Variants in PCA3 observed in about 807,000 individuals in gnomAD.
PCA3 encodes the protein prostate cancer associated 3.
chr9:76,765,901 G>T (rs1205302204), intron 2 of PCA3, among the ~76,000 whole-genome samples: 1 of 152,150 alleles, frequency 6.6e-6, no homozygotes, highest in Non-Finnish European at 1.5e-5. Context: ...TCTCGTTAGA[G>T]GCCAGACGCG....
At chr9:76,783,226 T>C (rs1392012076) in intron 2 of PCA3, among the ~76,000 whole-genome samples, 1 of 152,182 alleles carries the variant, frequency 6.6e-6, no homozygotes, top group East Asian at 1.9e-4. Flanking sequence ...AACCTCCGCC[T>C]CCCATGTTCC....
At chr9:76,767,936 G>A (rs1327955098) in intron 2 of PCA3, among the ~76,000 whole-genome samples, 1 of 152,180 alleles carries the variant, frequency 6.6e-6, no homozygotes, top group Non-Finnish European at 1.5e-5. Context: ...AAAGAGCAAG[G>A]ACTGGAAGTA....
intron 2 of PCA3, among the ~76,000 whole-genome samples, chr9:76,776,608 G>A (rs1052229828): frequency 6.7e-5 from 9 of 134,060 alleles, no homozygotes; most frequent in Admixed American, 6.7e-4. Context: ...TCCGCCTCCC[G>A]AGTTCAAGCA....
chr9:76,773,359 C>T lies in PCA3; in HGVS notation n.853-35224C>T, dbSNP rs114274428. The stretch of plus-strand genomic sequence containing the variant: ...GGAAGAAAGGTTGATTTATAGCGGA[C>T]AATCTTTTCTTTATTCATGTTATCT... On this transcript the variant is annotated intron_variant and non_coding_transcript_variant, in intron 2 of 5. Coordinates refer to ENST00000644657, the Ensembl canonical transcript of PCA3. Among the ~76,000 whole-genome samples, 489 of 150,362 alleles carry T rather than the reference C, an allele frequency of 3.3e-3. 5 individuals are homozygous for T. The highest frequency in any genetic ancestry group is 0.012 in the African/African-American group (480 of 41,194).
At chr9:76,784,245 A>G (rs996016121) in intron 2 of PCA3, 3 of 152,234 alleles carry the variant, frequency 2.0e-5, no homozygotes, top group Non-Finnish European at 4.4e-5. Flanking sequence ...GCAGGAAAAC[A>G]GATCCTGTTG....
intron 2 of PCA3, among the ~76,000 whole-genome samples, chr9:76,774,959 A>G (rs2053578222): frequency 6.6e-6 from 1 of 152,164 alleles, no homozygotes; most frequent in Admixed American, 6.5e-5. Flanking sequence ...GAACACTAAT[A>G]TCTACTACAC....
At chr9:76,767,972 C>T (rs535517239) in intron 2 of PCA3, among the ~76,000 whole-genome samples, 1 of 152,318 alleles carries the variant, frequency 6.6e-6, no homozygotes, top group South Asian at 2.1e-4. Context: ...TCACATCTCT[C>T]TGATCTTCCC....
At chr9:76,781,096 T>C (rs951189960) in intron 2 of PCA3, among the ~76,000 whole-genome samples, 1 of 152,194 alleles carries the variant, frequency 6.6e-6, no homozygotes, top group Admixed American at 6.5e-5. Context: ...TATCTTGAAT[T>C]TTTCTACTAC....
At chr9:76,769,781 T>C (rs2052890669) in intron 2 of PCA3, among the ~76,000 whole-genome samples, 1 of 152,252 alleles carries the variant, frequency 6.6e-6, no homozygotes, top group African/African-American at 2.4e-5. Context: ...GTAGGCTTGC[T>C]GGATAAAAGG....
At chr9:76,771,862 C>T (rs613664) in intron 2 of PCA3, among the ~76,000 whole-genome samples, 48,945 of 151,948 alleles carry the variant, frequency 0.32, 8,078 homozygotes, top group South Asian at 0.41. Context: ...AGACCACACC[C>T]TAAGTGAGAA....
chr9:76,780,269 C>T (rs1048472231), intron 2 of PCA3, among the ~76,000 whole-genome samples: 1 of 152,000 alleles, frequency 6.6e-6, no homozygotes, highest in African/African-American at 2.4e-5. Context: ...CTGCGCACTC[C>T]CCCAACAATT....
intron 2 of PCA3, among the ~76,000 whole-genome samples, chr9:76,775,268 G>T (rs1321004778): frequency 6.6e-6 from 1 of 152,130 alleles, no homozygotes; most frequent in African/African-American, 2.4e-5. Context: ...ATGACAAAGA[G>T]GAACAATATT....
intron 2 of PCA3, chr9:76,786,579 C>T (rs1457846733): frequency 3.3e-5 from 5 of 152,234 alleles, no homozygotes; most frequent in Non-Finnish European, 4.4e-5. Flanking sequence ...TTTTCTCCAA[C>T]ACATCGCTTA....
chr9:76,770,408 C>G (rs899147356), intron 2 of PCA3, among the ~76,000 whole-genome samples: 29 of 152,086 alleles, frequency 1.9e-4, no homozygotes, highest in Admixed American at 2.0e-4. Flanking sequence ...CATTTTCAAT[C>G]CAATCTATTG....
chr9:76,765,848 C>T (rs1260736970), intron 2 of PCA3, among the ~76,000 whole-genome samples: 3 of 152,118 alleles, frequency 2.0e-5, no homozygotes, highest in African/African-American at 7.2e-5. Flanking sequence ...CCTCTAAGAT[C>T]CAGCTTTAAA....
chr9:76,773,211 T>C (rs911010749), intron 2 of PCA3, among the ~76,000 whole-genome samples: 3 of 152,210 alleles, frequency 2.0e-5, no homozygotes, highest in African/African-American at 4.8e-5. Context: ...AGGAAAAACT[T>C]TGAATTACTG....
chr9:76,768,619 GTGTGTA>G lies in PCA3; in HGVS notation n.852+32006_852+32011del, dbSNP rs1482438480. ...TGTGTGTGTGTGTGTGTGTGTGTGTGTGTGTATATCCCTGCTGACTAGATCATCAAC... is the reference window on the plus strand; with the variant it reads ...TGTGTGTGTGTGTGTGTGTGTGTGTGTATCCCTGCTGACTAGATCATCAAC... On this transcript the variant is annotated intron_variant and non_coding_transcript_variant, in intron 2 of 5. Transcript: ENST00000644657. Among the ~76,000 whole-genome samples, 404 of 147,144 alleles carry G rather than the reference GTGTGTA, an allele frequency of 2.7e-3. 1 individual carries two copies. Among genetic ancestry groups the G allele is most frequent in the Non-Finnish European group, 3.2e-3 (210 of 66,502 alleles).
intron 2 of PCA3, among the ~76,000 whole-genome samples, chr9:76,783,135 T>G (rs537993916): frequency 3.3e-5 from 5 of 152,016 alleles, no homozygotes; most frequent in African/African-American, 4.8e-5. Context: ...CTATGCCTTT[T>G]TTTGTTTGTT....
intron 2 of PCA3, among the ~76,000 whole-genome samples, chr9:76,770,207 G>C (rs2052937359): frequency 6.6e-6 from 1 of 152,046 alleles, no homozygotes; most frequent in South Asian, 2.1e-4. Context: ...ATTCTTTGAA[G>C]ATTATTTTTA....
Sources: allele counts gnomAD v4.1 joint callset (sites outside exome capture counted in the v4.1 genomes callset), GRCh38; gene constraint gnomAD v4.1.1; transcripts MANE v1.5; gene names NCBI Gene and HGNC (gene_info 2026-07-23, HGNC 2026-07-21).